IPO11: variants seen among roughly 807,000 people sequenced by gnomAD.
IPO11 encodes importin 11.
Under a neutral mutation model 143.2 loss-of-function variants are expected in IPO11, and 66 were observed. The observed-to-expected ratio is 0.46, with a 90% CI of 0.38 to 0.57. The LOEUF (loss-of-function observed/expected upper bound fraction) is 0.57, where lower values mean the gene tolerates loss of function less well. Among genes scored for constraint, IPO11 ranks in the 20% least tolerant of loss-of-function variants. IPO11 has a pLI of 0.00. For synonymous variants in IPO11, 385 were observed against 377.8 expected, an observed-to-expected ratio of 1.02 and a Z score of -0.22; for missense variants, 1,026 against 1,141.0, an observed-to-expected ratio of 0.90 and a Z score of 1.45.
At chr5:62,586,764 A>ATATAT (rs1554056988) in intron 27 of IPO11, among the ~76,000 whole-genome samples, 6 of 83,106 alleles carry the variant, frequency 7.2e-5, no homozygotes, top group African/African-American at 1.9e-4. Flanking sequence ...AAAAAAAAAA[A>ATATAT]AAAAATATAT....
chr5:62,587,889 T>C (rs1744855355), intron 27 of IPO11, among the ~76,000 whole-genome samples: 1 of 152,192 alleles, frequency 6.6e-6, no homozygotes, highest in Non-Finnish European at 1.5e-5. Context: ...TTTGAGGCCC[T>C]GATGCTGACC....
chr5:62,580,054 C>T, intron 27 of IPO11: 2 of 1,551,120 alleles, frequency 1.3e-6, no homozygotes, highest in Non-Finnish European at 1.7e-6. Context: ...TCTTGAAAAC[C>T]TTGCTTGTTT....
At chr5:62,591,871 C>T (rs550570363) in intron 28 of IPO11, among the ~76,000 whole-genome samples, 199 bp downstream of exon 28, 5 of 152,136 alleles carry the variant, frequency 3.3e-5, no homozygotes, top group South Asian at 4.2e-4. Flanking sequence ...TTTATTGAGA[C>T]GGAGTTTCAC....
At chr5:62,522,288 G>GTTTTTTTTTT (rs111301961) in intron 20 of IPO11, among the ~76,000 whole-genome samples, 1 of 140,202 alleles carries the variant, frequency 7.1e-6, no homozygotes, top group African/African-American at 2.7e-5. Context: ...ATTGTGGTGG[G>GTTTTTTTTTT]TTTTTTTTTT....
intron 22 of IPO11, 106 bp downstream of exon 22, chr5:62,530,891 C>G: frequency 2.5e-6 from 2 of 812,052 alleles, no homozygotes; most frequent in Non-Finnish European, 4.2e-6. Flanking sequence ...AGTTCAACTT[C>G]TAGTTTAGAT....
chr5:62,492,976 CA>C (rs1337822944), intron 15 of IPO11, among the ~76,000 whole-genome samples: 3 of 152,022 alleles, frequency 2.0e-5, no homozygotes, highest in Non-Finnish European at 4.4e-5. Context: ...TACATAATAT[CA>C]AAAAGGTACT....
At chr5:62,444,837 C>T (rs1259590811) in intron 3 of IPO11, among the ~76,000 whole-genome samples, 2 of 151,364 alleles carry the variant, frequency 1.3e-5, no homozygotes, top group African/African-American at 4.9e-5. Context: ...CCACTGCACT[C>T]CAGCCTGGGC....
intron 5 of IPO11, among the ~76,000 whole-genome samples, chr5:62,459,931 A>G (rs1241183774): frequency 5.3e-5 from 8 of 152,222 alleles, no homozygotes; most frequent in Non-Finnish European, 2.9e-5. Flanking sequence ...TGTTTTTAAA[A>G]TTGAAAATAC....
At chr5:62,611,150 T>C (rs74947586) in intron 29 of IPO11, among the ~76,000 whole-genome samples, 1,895 of 152,290 alleles carry the variant, frequency 0.012, 31 homozygotes, top group African/African-American at 0.043. Context: ...TAGCTTTCCT[T>C]ATAAATGAGG....
At chr5:62,500,936 A>C (rs1159442331) in intron 16 of IPO11, among the ~76,000 whole-genome samples, 1 of 152,206 alleles carries the variant, frequency 6.6e-6, no homozygotes, top group Non-Finnish European at 1.5e-5. Context: ...CTCAGTTATA[A>C]TCTTATGAGA....
intron 20 of IPO11, among the ~76,000 whole-genome samples, chr5:62,519,842 G>A (rs958857652): frequency 6.6e-6 from 1 of 152,288 alleles, no homozygotes; most frequent in African/African-American, 2.4e-5. Context: ...ATCTGTTTCC[G>A]TACTCATTCA....
Position 62,487,813 on chromosome 5 carries a change from A to G in IPO11, c.1261A>G (p.Asn421Asp), listed in dbSNP as rs1746465147. 6.2e-7 allele frequency: 1 copy of G among 1,609,614 alleles called. No homozygotes were observed. The change falls in exon 13 of 30, where the codon AAT becomes GAT. Residue 421 changes from asparagine to aspartate, a missense_variant. Around this residue, in one of 5 missense-constraint regions of IPO11, gnomAD observed 237 missense variants for 288.0 expected, o/e 0.82. Transcript: ENST00000325324. Reference protein sequence around the residue: ...VLFIDIFHEYNQTLTPVLLEM... With the variant: ...VLFIDIFHEYDQTLTPVLLEM... ...ATTTATAGATATATTCCATGAATAT[A>G]ATCAGACTCTTACTCCTGTACTTCT...
At chr5:62,490,491 C>A (rs938423005) in intron 15 of IPO11, among the ~76,000 whole-genome samples, 2 of 151,918 alleles carry the variant, frequency 1.3e-5, no homozygotes, top group East Asian at 1.9e-4. Flanking sequence ...AAAGACAGTT[C>A]GAAACTTAGC....
chr5:62,583,155 A>ATC (rs1744632101), intron 27 of IPO11, among the ~76,000 whole-genome samples: 1 of 152,180 alleles, frequency 6.6e-6, no homozygotes, highest in Non-Finnish European at 1.5e-5. Flanking sequence ...AGACATTTTT[A>ATC]ATAATGTATT....
intron 5 of IPO11, among the ~76,000 whole-genome samples, chr5:62,455,353 G>A (rs550595340): frequency 1.3e-5 from 2 of 151,912 alleles, no homozygotes; most frequent in Non-Finnish European, 2.9e-5. Context: ...AACCCTGTCT[G>A]TACTAAAAAT....
intron 28 of IPO11, among the ~76,000 whole-genome samples, chr5:62,598,210 A>T (rs1745297882): frequency 6.6e-6 from 1 of 151,940 alleles, no homozygotes; most frequent in African/African-American, 2.4e-5. Flanking sequence ...AACTACTGGC[A>T]CTGGGGGGCT....
chr5:62,486,336 A>C (rs1746405683), intron 12 of IPO11, among the ~76,000 whole-genome samples: 1 of 152,040 alleles, frequency 6.6e-6, no homozygotes, highest in South Asian at 2.1e-4. Flanking sequence ...CTTTTAGTAC[A>C]TTGCTTGGGA....
At chr5:62,439,054 A>C (rs1184337292) in intron 2 of IPO11, among the ~76,000 whole-genome samples, 1 of 146,598 alleles carries the variant, frequency 6.8e-6, no homozygotes, top group Non-Finnish European at 1.5e-5. Flanking sequence ...GTAAGACTCC[A>C]TCTCAAAAAA....
At chr5:62,459,011 T>C (rs1170075565) in intron 5 of IPO11, among the ~76,000 whole-genome samples, 1 of 152,204 alleles carries the variant, frequency 6.6e-6, no homozygotes, top group Non-Finnish European at 1.5e-5. Context: ...TTTGGATTCT[T>C]ACTCTATGCA....
Sources: gnomAD v4.1 joint callset for allele counts (sites outside exome capture counted in the v4.1 genomes callset) on GRCh38, gnomAD v4.1.1 for gene constraint, gnomAD v4.1.1 regional missense constraint, MANE v1.5 for transcripts, NCBI Gene and HGNC (gene_info 2026-07-23, HGNC 2026-07-21) for gene names.